Variants in ZNF503 observed in about 807,000 individuals in gnomAD.
The protein encoded by ZNF503 is zinc finger protein 503.
In ZNF503, 15 loss-of-function variants were observed where a neutral mutation model predicts 34.4. That is an observed-to-expected ratio of 0.44 (90% confidence interval 0.29 to 0.67). ZNF503 has a LOEUF of 0.67. Among genes scored for constraint, ZNF503 ranks in the 30% least tolerant of loss-of-function variants. The probability of loss-of-function intolerance (pLI) is 0.13; values close to 1 mark genes in which losing one functional copy is unlikely to be tolerated. For synonymous variants in ZNF503, 580 were observed against 456.8 expected (o/e 1.27, Z -3.44); for missense variants, 1,007 against 926.8 (o/e 1.09, Z -1.12).
chr10:75,296,004 G>A, the ZNF503 span, among the ~76,000 whole-genome samples: 2 of 152,176 alleles, frequency 1.3e-5, no homozygotes, highest in African/African-American at 4.8e-5. Flanking sequence ...CGAGCAATAC[G>A]TACAGGAACT....
chr10:75,340,589 C>T, the ZNF503 span, among the ~76,000 whole-genome samples: 1 of 152,060 alleles, frequency 6.6e-6, no homozygotes. Flanking sequence ...AAGGACACTG[C>T]TGCTGTCTCT....
the ZNF503 span, among the ~76,000 whole-genome samples, chr10:75,352,513 C>G: frequency 6.6e-6 from 1 of 152,282 alleles, no homozygotes; most frequent in African/African-American, 2.4e-5. Context: ...GGAAAGCCAT[C>G]CCAAGGTTCG....
At chr10:75,364,513 T>C in the ZNF503 span, among the ~76,000 whole-genome samples, 7 of 152,244 alleles carry the variant, frequency 4.6e-5, 1 homozygote, top group South Asian at 1.0e-3. Flanking sequence ...ACTAGCTTGG[T>C]GTGCTAATCT....
chr10:75,282,779 T>G, the ZNF503 span, among the ~76,000 whole-genome samples: 1 of 152,332 alleles, frequency 6.6e-6, no homozygotes, highest in African/African-American at 2.4e-5. Flanking sequence ...GTGTTGGGTC[T>G]TGGTGTCCTT....
Position 75,399,950 on chromosome 10 carries a change from C to G in ZNF503, c.740G>C (p.Gly247Ala), listed in dbSNP as rs1207921871. Reference sequence around the variant, plus strand: ...CTTGTCGTCCTTGCCCTCCGGGGCACCCCCGGCCGAGGACAGCATACCTCC... The same window carrying G: ...CTTGTCGTCCTTGCCCTCCGGGGCAGCCCCGGCCGAGGACAGCATACCTCC... Reference protein sequence around the residue: ...SPGGMLSSAGGAPEGKDDKKD... With the variant: ...SPGGMLSSAGAAPEGKDDKKD... Residue 247 changes from glycine (G) to alanine (A), a missense_variant, in exon 2 of 2, where the codon GGT becomes GCT. By Grantham distance (60) the Gly-to-Ala change is moderately conservative. Transcript: ENST00000372524. 6.2e-7 allele frequency: 1 copy of G among 1,605,958 alleles called. No individual in the cohort carries two copies. The highest frequency in any genetic ancestry group is 1.1e-5 in the South Asian group (1 of 90,858).
At chr10:75,395,096 G>C (rs1344118763), downstream of ZNF503, among the ~76,000 whole-genome samples, 1 of 152,190 alleles carries the variant, frequency 6.6e-6, no homozygotes, top group Non-Finnish European at 1.5e-5. This position sits in a 1 kb window ranked among gnomAD's most constrained non-coding sequence, Gnocchi z 4.4. Flanking sequence ...GGCAAGGAGT[G>C]GGCGCTAGGA....
the ZNF503 span, among the ~76,000 whole-genome samples, chr10:75,383,291 G>A: frequency 2.6e-5 from 4 of 152,266 alleles, no homozygotes; most frequent in South Asian, 4.1e-4. Flanking sequence ...AGAATTTTCT[G>A]AGCAGAAAAC....
At chr10:75,377,389 C>G in the ZNF503 span, among the ~76,000 whole-genome samples, 1 of 152,234 alleles carries the variant, frequency 6.6e-6, no homozygotes, top group Non-Finnish European at 1.5e-5. Context: ...AATTTACTCT[C>G]TGCTTCATTT....
At chr10:75,372,354 G>T in the ZNF503 span, among the ~76,000 whole-genome samples, 3 of 152,346 alleles carry the variant, frequency 2.0e-5, no homozygotes, top group South Asian at 6.2e-4. Context: ...AAATGATGTG[G>T]TCCAGAGAGG....
chr10:75,398,147 T>G lies in ZNF503; in HGVS notation c.*602A>C, dbSNP rs1843724608. The G allele has an allele frequency of 6.7e-6, 1 of 148,196 alleles. No individual in the cohort carries two copies. Among genetic ancestry groups the G allele is most frequent in the Admixed American group, 6.6e-5 (1 of 15,168 alleles). 9.2% of individuals were successfully genotyped at this position (148,196 alleles called of 1,614,324 possible). On this transcript the variant is annotated 3_prime_UTR_variant, in exon 2 of 2. Transcript: ENST00000372524. ...GAGCTGACAAATTGTGACTTTTTTT[T>G]TCATTTTTTTTGTAACAAACATGCA...
chr10:75,364,145 T>A, the ZNF503 span, among the ~76,000 whole-genome samples: 1 of 152,186 alleles, frequency 6.6e-6, no homozygotes, highest in African/African-American at 2.4e-5. Flanking sequence ...ATTCCATGGG[T>A]AGGTTGCTTA....
chr10:75,322,043 C>T, the ZNF503 span, among the ~76,000 whole-genome samples: 106 of 152,024 alleles, frequency 7.0e-4, no homozygotes, highest in Admixed American at 9.8e-4. Context: ...AAGCCCAATA[C>T]GAAATAGTAC....
the ZNF503 span, among the ~76,000 whole-genome samples, chr10:75,358,000 A>G: frequency 6.6e-6 from 1 of 152,230 alleles, no homozygotes; most frequent in Admixed American, 6.5e-5. Flanking sequence ...GTGGGTGCTC[A>G]GTGCACCATT....
At chr10:75,377,916 G>A in the ZNF503 span, among the ~76,000 whole-genome samples, 1 of 152,174 alleles carries the variant, frequency 6.6e-6, no homozygotes, top group Non-Finnish European at 1.5e-5. Flanking sequence ...TTCTGGGGAG[G>A]CCTCAGGAAA....
the ZNF503 span, among the ~76,000 whole-genome samples, chr10:75,306,164 A>G: frequency 9.5e-4 from 145 of 152,278 alleles, no homozygotes; most frequent in Non-Finnish European, 1.2e-3. Context: ...ACAGTGCACA[A>G]GGGTTTCAAT....
chr10:75,290,049 CTA>C, the ZNF503 span, among the ~76,000 whole-genome samples: 1 of 152,144 alleles, frequency 6.6e-6, no homozygotes, highest in Non-Finnish European at 1.5e-5. Flanking sequence ...CTTTTTGTCT[CTA>C]TGAATTTGAC....
chr10:75,342,064 T>C, the ZNF503 span, among the ~76,000 whole-genome samples: 1 of 152,088 alleles, frequency 6.6e-6, no homozygotes, highest in African/African-American at 2.4e-5. Flanking sequence ...ACTGCAGATA[T>C]ACTCTCCTCT....
the ZNF503 span, among the ~76,000 whole-genome samples, chr10:75,333,348 TA>T: frequency 2.8e-5 from 1 of 36,262 alleles, no homozygotes; most frequent in Non-Finnish European, 5.1e-5. Context: ...CACTTCCCAG[TA>T]GGGGCGGCCG....
the ZNF503 span, among the ~76,000 whole-genome samples, chr10:75,353,316 C>T: frequency 1.3e-5 from 2 of 152,224 alleles, no homozygotes; most frequent in African/African-American, 2.4e-5. Flanking sequence ...CAGGCTCTCA[C>T]TCATCCCCCA....
Sources: allele counts gnomAD v4.1 joint callset (sites outside exome capture counted in the v4.1 genomes callset), GRCh38; gene constraint gnomAD v4.1.1; non-coding constraint Gnocchi (gnomAD v3.1); transcripts MANE v1.5; gene names NCBI Gene and HGNC (gene_info 2026-07-23, HGNC 2026-07-21).